Variants in SLC25A26 observed in about 807,000 individuals in gnomAD.
SLC25A26 encodes solute carrier family 25 member 26.
In SLC25A26, 36 loss-of-function variants were observed where a neutral mutation model predicts 37.8. The ratio of observed to expected loss-of-function variants is 0.95; its 90% CI spans 0.73 to 1.26. The LOEUF is 1.26. Among genes scored for constraint, SLC25A26 ranks in the 50% most tolerant of loss-of-function variants. The pLI, the probability that SLC25A26 is intolerant of heterozygous loss-of-function variation, is 0.00. For missense variants in SLC25A26, 390 were observed against 331.1 expected (o/e 1.18, Z -1.38); for synonymous variants, 129 against 122.5 (o/e 1.05, Z -0.35).
intron 1 of SLC25A26, among the ~76,000 whole-genome samples, chr3:66,198,428 C>T (rs971980134): frequency 2.6e-5 from 4 of 152,020 alleles, no homozygotes; most frequent in South Asian, 2.1e-4. Flanking sequence ...CCCTCATGTG[C>T]GTCTGACCTT....
intron 1 of SLC25A26, among the ~76,000 whole-genome samples, chr3:66,136,031 CACA>C (rs1429188601): frequency 1.3e-5 from 2 of 152,152 alleles, no homozygotes; most frequent in African/African-American, 4.8e-5. Context: ...CTGTATTGAT[CACA>C]ACAATTCAGA....
At chr3:66,343,335 T>G (rs1039878228) in intron 5 of SLC25A26, among the ~76,000 whole-genome samples, 24 of 152,250 alleles carry the variant, frequency 1.6e-4, no homozygotes, top group Non-Finnish European at 4.4e-5. Flanking sequence ...CACAGGAATT[T>G]ATGAGGGCTA....
intron 5 of SLC25A26, among the ~76,000 whole-genome samples, chr3:66,295,352 T>C (rs1043764793): frequency 2.0e-5 from 3 of 151,928 alleles, no homozygotes; most frequent in African/African-American, 7.3e-5. Flanking sequence ...GCCTCCTGAG[T>C]AGCTGGGATT....
chr3:66,283,128 TG>T (rs944718701), intron 5 of SLC25A26, among the ~76,000 whole-genome samples: 7 of 152,220 alleles, frequency 4.6e-5, no homozygotes. Flanking sequence ...TGACTTCTTT[TG>T]GTATCATTAT....
intron 5 of SLC25A26, among the ~76,000 whole-genome samples, chr3:66,339,497 A>ACTGTTG (rs1169385807): frequency 6.6e-6 from 1 of 152,004 alleles, no homozygotes; most frequent in African/African-American, 2.4e-5. Flanking sequence ...GTTCACCAAC[A>ACTGTTG]GTGAACAAGG....
chr3:66,268,964 C>T (rs1484551540), intron 5 of SLC25A26, among the ~76,000 whole-genome samples: 3 of 152,286 alleles, frequency 2.0e-5, no homozygotes, highest in African/African-American at 7.2e-5. Context: ...GTGAGCCAAA[C>T]CTCTTTCCTT....
At chr3:66,171,774 G>A (rs970872311) in intron 1 of SLC25A26, among the ~76,000 whole-genome samples, 14 of 152,172 alleles carry the variant, frequency 9.2e-5, no homozygotes, top group Non-Finnish European at 1.0e-4. Context: ...ACAGGCGTGA[G>A]CCACTGCACC....
intron 1 of SLC25A26, among the ~76,000 whole-genome samples, chr3:66,228,607 TC>T (rs2071868464): frequency 6.6e-6 from 1 of 152,142 alleles, no homozygotes; most frequent in Non-Finnish European, 1.5e-5. Context: ...AAAAATATGG[TC>T]CCCCACCTTC....
chr3:66,155,547 A>G (rs1055838158), intron 1 of SLC25A26, among the ~76,000 whole-genome samples: 2 of 152,208 alleles, frequency 1.3e-5, no homozygotes, highest in Non-Finnish European at 2.9e-5. Flanking sequence ...AGGGAAGAAA[A>G]AAGAAAAATG....
intron 1 of SLC25A26, among the ~76,000 whole-genome samples, chr3:66,225,294 G>T (rs1553660083): frequency 6.6e-6 from 1 of 152,180 alleles, no homozygotes; most frequent in African/African-American, 2.4e-5. Flanking sequence ...GGTTCCCAAA[G>T]CTCAGTTCTT....
intron 2 of SLC25A26, among the ~76,000 whole-genome samples, chr3:66,238,277 A>C (rs2072395023): frequency 7.4e-6 from 1 of 135,142 alleles, no homozygotes; most frequent in Non-Finnish European, 1.5e-5. Context: ...CCAAAACTTA[A>C]CTACTGATAG....
intron 6 of SLC25A26, among the ~76,000 whole-genome samples, chr3:66,353,377 C>T (rs906979032): frequency 2.0e-5 from 3 of 152,202 alleles, no homozygotes; most frequent in African/African-American, 7.2e-5. Flanking sequence ...GGTCTTTGTT[C>T]TGTAGATGTG....
chr3:66,202,546 A>G (rs889948474), intron 1 of SLC25A26, among the ~76,000 whole-genome samples: 1 of 151,600 alleles, frequency 6.6e-6, no homozygotes, highest in South Asian at 2.1e-4. Context: ...AAAAAAAAAA[A>G]AAGGAAAGAA....
intron 5 of SLC25A26, among the ~76,000 whole-genome samples, chr3:66,268,050 T>A (rs998944099): frequency 2.0e-5 from 3 of 152,232 alleles, no homozygotes; most frequent in Non-Finnish European, 2.9e-5. Flanking sequence ...ATCTTCTGTA[T>A]TTTTTGTTGC....
At chr3:66,148,379 A>G (rs2070150727) in intron 1 of SLC25A26, among the ~76,000 whole-genome samples, 2 of 152,196 alleles carry the variant, frequency 1.3e-5, no homozygotes, top group African/African-American at 2.4e-5. Flanking sequence ...GTAGACACAA[A>G]GGCAAAAGGA....
At chr3:66,182,610 T>C (rs1328819911) in intron 1 of SLC25A26, among the ~76,000 whole-genome samples, 2 of 150,578 alleles carry the variant, frequency 1.3e-5, no homozygotes, top group Non-Finnish European at 2.9e-5. Context: ...AAAACCTAAC[T>C]CCCCTATTTT....
chr3:66,213,543 GC>G (rs1354705475), intron 1 of SLC25A26, among the ~76,000 whole-genome samples: 1 of 150,612 alleles, frequency 6.6e-6, no homozygotes, highest in African/African-American at 2.5e-5. Context: ...TATATCCTCT[GC>G]CCCCATACAT....
chr3:66,196,438 C>T (rs1253239411), intron 1 of SLC25A26, among the ~76,000 whole-genome samples: 1 of 152,020 alleles, frequency 6.6e-6, no homozygotes, highest in Non-Finnish European at 1.5e-5. Context: ...CAGGGTGTCT[C>T]AGTAAAAAGG....
chr3:66,155,854 C>T (rs1055895150), intron 1 of SLC25A26, among the ~76,000 whole-genome samples: 11 of 152,160 alleles, frequency 7.2e-5, no homozygotes, highest in African/African-American at 2.4e-4. Flanking sequence ...TTATTCTTCT[C>T]TTCAGTTGCA....
Sources: gnomAD v4.1 joint callset for allele counts (sites outside exome capture counted in the v4.1 genomes callset) on GRCh38, gnomAD v4.1.1 for gene constraint, MANE v1.5 for transcripts, NCBI Gene and HGNC (gene_info 2026-07-23, HGNC 2026-07-21) for gene names.